PHKA2: variants seen among roughly 807,000 people sequenced by gnomAD.
The protein encoded by PHKA2 is phosphorylase kinase regulatory subunit alpha 2.
A neutral mutation model predicts 102.0 loss-of-function variants in PHKA2; 31 were observed. That is an observed-to-expected ratio of 0.30 (90% confidence interval 0.23 to 0.41). PHKA2 has a LOEUF of 0.41. Ranked by LOEUF, PHKA2 falls within the 10% of genes least tolerant of loss-of-function variation. The pLI is 1.00. For missense variants in PHKA2, 858 were observed against 1,023.1 expected (o/e 0.84, Z 2.20); for synonymous variants, 455 against 416.2 (o/e 1.09, Z -1.13).
chrX:18,904,442 T>C (rs1213830500), intron 26 of PHKA2, among the ~76,000 whole-genome samples: 2 of 112,754 alleles, frequency 1.8e-5, no homozygotes, highest in African/African-American at 6.4e-5. Context: ...CGCACATATT[T>C]ATGACTTTCA....
chrX:18,950,227 G>A (rs908942834), intron 4 of PHKA2, among the ~76,000 whole-genome samples: 2 of 112,132 alleles, frequency 1.8e-5, no homozygotes, highest in Admixed American at 9.3e-5. Context: ...TGGGCACACT[G>A]CTGAGTGGCA....
At chrX:18,907,155 G>A (rs569305749) in intron 22 of PHKA2, 58 bp from the exon 23 acceptor site, 164 of 855,764 alleles carry the variant, frequency 1.9e-4, no homozygotes, top group East Asian at 1.7e-3. Context: ...TGGCAAAGAC[G>A]ACAGACAGGC....
chrX:18,906,097 G>A (rs1183682428), intron 25 of PHKA2, among the ~76,000 whole-genome samples: 3 of 112,055 alleles, frequency 2.7e-5, no homozygotes, highest in Non-Finnish European at 5.6e-5. Context: ...CACAATGTAT[G>A]ATCCCCAACG....
intron 17 of PHKA2, among the ~76,000 whole-genome samples, chrX:18,923,329 C>T (rs1047384410): frequency 1.8e-5 from 2 of 111,233 alleles, no homozygotes; most frequent in African/African-American, 3.3e-5. Context: ...TGTGAGCCAC[C>T]GTGCCTGGTC....
intron 29 of PHKA2, among the ~76,000 whole-genome samples, chrX:18,898,761 C>T (rs1456888890): frequency 1.8e-5 from 2 of 112,443 alleles, no homozygotes; most frequent in Non-Finnish European, 3.8e-5. Context: ...CTCTGCTCTG[C>T]GGTGAGCTCA....
intron 1 of PHKA2, among the ~76,000 whole-genome samples, chrX:18,963,601 A>C (rs1197106575): frequency 8.9e-6 from 1 of 112,045 alleles, no homozygotes; most frequent in Non-Finnish European, 1.9e-5. Flanking sequence ...GTTTGAGGTG[A>C]GTTTCTGTCA....
intron 17 of PHKA2, among the ~76,000 whole-genome samples, chrX:18,920,930 T>C (rs140451184): frequency 4.5e-5 from 5 of 112,289 alleles, no homozygotes; most frequent in East Asian, 5.5e-4. Flanking sequence ...CAGCACCAGA[T>C]TGGGATTTAG....
At chrX:18,944,977 G>T in intron 6 of PHKA2, 101 bp downstream of exon 6, 1 of 605,083 alleles carries the variant, frequency 1.7e-6, no homozygotes, top group South Asian at 2.3e-5. Context: ...GCTGACTTTT[G>T]ACAAATATGC....
chrX:18,917,792 G>T (rs1395882070), intron 19 of PHKA2, among the ~76,000 whole-genome samples: 1 of 110,591 alleles, frequency 9.0e-6, no homozygotes, highest in Non-Finnish European at 1.9e-5. Context: ...AAGCCTCCGG[G>T]GAAGATCCCA....
intron 5 of PHKA2, among the ~76,000 whole-genome samples, chrX:18,945,943 A>AT (rs1265169044): frequency 1.0e-4 from 11 of 107,552 alleles, no homozygotes; most frequent in Non-Finnish European, 1.7e-4. Context: ...TTTTATTTTT[A>AT]TTTTTTGAGA....
At chrX:18,899,349 GAGA>G (rs1374587934) in intron 28 of PHKA2, 123 bp from the exon 29 acceptor site, 10 of 605,508 alleles carry the variant, frequency 1.7e-5, no homozygotes, top group Non-Finnish European at 2.7e-5. Context: ...TGCGGGCGCA[GAGA>G]AGGTGCCACA....
Position 18,893,433 on chromosome X carries a change from G to A in PHKA2, c.*52C>T, listed in dbSNP as rs1323648547. The stretch of plus-strand genomic sequence containing the variant: ...TGGGGGACAGAAGGTTCCCAGTAAG[G>A]CTAGGGGGCACGTGACAGATTGAGA... On this transcript the variant is annotated 3_prime_UTR_variant, in exon 33 of 33. Transcript: ENST00000379942. 4 of 1,141,649 alleles carry A rather than the reference G, an allele frequency of 3.5e-6. No homozygotes were observed. Among genetic ancestry groups the A allele is most frequent in the Non-Finnish European group, 1.2e-6 (1 of 833,944 alleles). 94.1% of individuals were successfully genotyped at this position (1,141,649 alleles called of 1,213,427 possible). A position where few individuals can be genotyped will look rare whatever the true frequency, so the allele number is the denominator to read the frequency against.
intron 26 of PHKA2, 21 bp from the exon 27 acceptor site, chrX:18,901,624 C>A: frequency 2.8e-6 from 3 of 1,059,098 alleles, no homozygotes; most frequent in Non-Finnish European, 4.0e-6. Flanking sequence ...AACACACACA[C>A]GTGGTTCTCA....
chrX:18,914,547 G>A (rs1337638114), intron 19 of PHKA2, among the ~76,000 whole-genome samples: 1 of 111,272 alleles, frequency 9.0e-6, no homozygotes, highest in Non-Finnish European at 1.9e-5. Flanking sequence ...GGAAGGCTGG[G>A]GAGAAGCTAT....
intron 1 of PHKA2, among the ~76,000 whole-genome samples, chrX:18,976,794 C>T (rs2049095982): frequency 9.0e-6 from 1 of 111,185 alleles, no homozygotes; most frequent in Non-Finnish European, 1.9e-5. Context: ...ATTTGTCCCT[C>T]CTCCCTCTCC....
rs188771883 is a variant in PHKA2 at position 18,935,302 on chromosome X, G to T, written c.1137+753C>A. The stretch of plus-strand genomic sequence containing the variant: ...TTGGGCATTTTCTTGGAACTGGACT[G>T]TTTTTCTCTCCCTGATGTAGAATGG... On this transcript the variant is annotated intron_variant, in intron 11 of 32. Coordinates refer to ENST00000379942, the MANE Select transcript of PHKA2 (RefSeq NM_000292.3). 7.1e-5 allele frequency among the ~76,000 whole-genome samples: 8 copies of T among 112,232 alleles called. No individual in the cohort carries two copies. In the East Asian group the frequency reaches 2.2e-3, roughly 31 times the overall value.
rs1365780843 is a variant in PHKA2, at chrX:18,925,739, G to A, written c.1498C>T (p.Arg500Ter). The A allele has an allele frequency of 8.4e-7, 1 of 1,197,544 alleles. No homozygotes were observed. Among genetic ancestry groups the A allele is most frequent in the Non-Finnish European group, 1.1e-6 (1 of 882,763 alleles). ...GAGGTTCCAAGGACACCAATATGTCGATACGGTCGCCCACTCAAATTCATA... is the reference window on the plus strand; with the variant it reads ...GAGGTTCCAAGGACACCAATATGTCAATACGGTCGCCCACTCAAATTCATA... ...KNMNLSGRPY[R>*]HIGVLGTSKL... Residue 500 changes from arginine to a stop codon, truncating the protein, a stop_gained, in exon 15 of 33, where the codon CGA becomes TGA. Coordinates refer to ENST00000379942, the MANE Select transcript of PHKA2 (RefSeq NM_000292.3). LOFTEE classifies it high-confidence loss of function.
At chrX:18,978,316 TA>T (rs2049119621) in intron 1 of PHKA2, among the ~76,000 whole-genome samples, 2 of 112,050 alleles carry the variant, frequency 1.8e-5, no homozygotes, top group Admixed American at 1.9e-4. Flanking sequence ...TTGTACTTTA[TA>T]TTTACCACAC....
At chrX:18,920,881 G>A (rs979625320) in intron 17 of PHKA2, among the ~76,000 whole-genome samples, 3 of 112,392 alleles carry the variant, frequency 2.7e-5, no homozygotes, top group Admixed American at 9.4e-5. Flanking sequence ...AGGTTACACC[G>A]GGGGAGCAGA....
Sources: allele counts gnomAD v4.1 joint callset (sites outside exome capture counted in the v4.1 genomes callset), GRCh38; gene constraint gnomAD v4.1.1; transcripts MANE v1.5; gene names NCBI Gene and HGNC (gene_info 2026-07-23, HGNC 2026-07-21).